The following SDK1 variants were observed in gnomAD, a reference collection of about 807,000 sequenced individuals.
The protein encoded by SDK1 is protein sidekick-1.
A neutral mutation model predicts 245.5 loss-of-function variants in SDK1; 157 were observed. The observed-to-expected ratio is 0.64, with a 90% confidence interval of 0.56 to 0.73. SDK1 has a LOEUF of 0.73. SDK1 is among the 30% of genes least tolerant of loss of function. The pLI, the probability that SDK1 is intolerant of heterozygous loss-of-function variation, is 0.00. For missense variants in SDK1, 3,583 were observed against 3,002.3 expected (o/e 1.19, Z -4.52); for synonymous variants, 1,647 against 1,278.5 (o/e 1.29, Z -6.15).
At chr7:3,733,867 G>A (rs1243918532) in intron 4 of SDK1, among the ~76,000 whole-genome samples, 1 of 152,058 alleles carries the variant, frequency 6.6e-6, no homozygotes, top group Admixed American at 6.6e-5. Context: ...GAACAGAATC[G>A]CACATAAGAA....
At chr7:3,979,879 A>G (rs1783261199) in intron 13 of SDK1, among the ~76,000 whole-genome samples, 1 of 152,176 alleles carries the variant, frequency 6.6e-6, no homozygotes, top group South Asian at 2.1e-4. Flanking sequence ...TTAGCATTTC[A>G]TCTCTCCTCC....
chr7:3,653,093 C>T (rs1303209471), intron 4 of SDK1, among the ~76,000 whole-genome samples: 9 of 152,178 alleles, frequency 5.9e-5, no homozygotes, highest in Non-Finnish European at 2.9e-5. Flanking sequence ...TGAGAAAAGT[C>T]GCAGGCTTAA....
At chr7:4,203,535 A>T (rs201430981) in intron 35 of SDK1, among the ~76,000 whole-genome samples, 10,119 of 89,550 alleles carry the variant, frequency 0.11, 384 homozygotes, top group African/African-American at 0.2. Flanking sequence ...TTTTTTTTTA[A>T]AAAAAAAAAG....
intron 7 of SDK1, among the ~76,000 whole-genome samples, chr7:3,954,643 C>T (rs1583625290): frequency 7.3e-6 from 1 of 137,192 alleles, no homozygotes; most frequent in Non-Finnish European, 1.6e-5. Flanking sequence ...CTCCCCTCTA[C>T]ACCCTCCGCT....
At chr7:3,827,137 C>G (rs925422086) in intron 5 of SDK1, among the ~76,000 whole-genome samples, 2 of 151,962 alleles carry the variant, frequency 1.3e-5, no homozygotes, top group African/African-American at 4.8e-5. Flanking sequence ...TTAGGTTAAG[C>G]TATGATCATT....
At chr7:3,461,965 T>G (rs1780843978) in intron 1 of SDK1, among the ~76,000 whole-genome samples, 1 of 152,160 alleles carries the variant, frequency 6.6e-6, no homozygotes, top group Non-Finnish European at 1.5e-5. Flanking sequence ...TGTTCAAGAC[T>G]CTTCTGTATT....
intron 4 of SDK1, among the ~76,000 whole-genome samples, chr7:3,693,968 A>G (rs1403611336): frequency 6.6e-6 from 1 of 151,430 alleles, no homozygotes; most frequent in Non-Finnish European, 1.5e-5. Context: ...TTGCTCCCTC[A>G]CTCGTCCCAC....
rs1228496861 is a variant in SDK1 at position 3,748,204 on chromosome 7, GA to G, written c.714-73241del. On this transcript the variant is annotated intron_variant, in intron 4 of 44. Coordinates refer to ENST00000404826, the MANE Select transcript of SDK1 (RefSeq NM_152744.4). Reference sequence around the variant, plus strand: ...TTGGTTTAATCCTAATTTTGAAAAGGAAAAATGATGTATCTAACATACACTG... The same window carrying G: ...TTGGTTTAATCCTAATTTTGAAAAGGAAAATGATGTATCTAACATACACTG... Among the ~76,000 whole-genome samples the G allele has an allele frequency of 2.0e-5, 3 of 152,166 alleles. No homozygotes were observed. In the East Asian group the frequency reaches 5.8e-4, roughly 29 times the overall value.
intron 1 of SDK1, among the ~76,000 whole-genome samples, chr7:3,608,799 A>G (rs746153094): frequency 6.6e-5 from 10 of 152,264 alleles, no homozygotes; most frequent in Admixed American, 2.0e-4. Context: ...CCGCGTTGCA[A>G]CTAACCTTTA....
chr7:3,701,974 C>T (rs1256946016), intron 4 of SDK1, among the ~76,000 whole-genome samples: 3 of 143,142 alleles, frequency 2.1e-5, no homozygotes, highest in African/African-American at 7.6e-5. Context: ...TCTTGACCTA[C>T]ACCCTAATCT....
intron 4 of SDK1, among the ~76,000 whole-genome samples, chr7:3,723,872 A>G (rs1778913625): frequency 7.6e-6 from 1 of 132,246 alleles, no homozygotes; most frequent in African/African-American, 3.2e-5. Flanking sequence ...ACGTGTATAT[A>G]CACGTACATA....
intron 4 of SDK1, among the ~76,000 whole-genome samples, chr7:3,694,789 G>A (rs17256676): frequency 0.21 from 31,999 of 152,000 alleles, 4,050 homozygotes; most frequent in Non-Finnish European, 0.29. Context: ...AATTCCTATC[G>A]TAAGTTTGTG....
intron 19 of SDK1, among the ~76,000 whole-genome samples, chr7:4,052,364 A>G (rs751778311): frequency 8.3e-4 from 127 of 152,262 alleles, no homozygotes; most frequent in Non-Finnish European, 1.5e-3. Context: ...GAAAATAGTC[A>G]CAGATGCACA....
chr7:3,640,407 A>T (rs1297494751), intron 3 of SDK1, among the ~76,000 whole-genome samples: 2 of 152,174 alleles, frequency 1.3e-5, no homozygotes, highest in Non-Finnish European at 2.9e-5. Flanking sequence ...CCATAAGCCT[A>T]ATGACTGAGT....
chr7:3,654,622 G>C (rs1783106274), intron 4 of SDK1, among the ~76,000 whole-genome samples: 1 of 152,110 alleles, frequency 6.6e-6, no homozygotes, highest in African/African-American at 2.4e-5. Flanking sequence ...ATGCTTGTTG[G>C]GCACCTGTCT....
rs1356676076 is a variant in SDK1 at position 3,718,561 on chromosome 7, A to C, written c.713+76456A>C. 3.3e-4 allele frequency among the ~76,000 whole-genome samples: 47 copies of C among 144,252 alleles called. 1 individual carries two copies. The highest frequency in any genetic ancestry group is 1.2e-3 in the African/African-American group (44 of 36,116). The allele number at this position is 144,252 out of a possible 152,430, so 94.6% of individuals were successfully genotyped here. On this transcript the variant is annotated intron_variant, in intron 4 of 44. Transcript: ENST00000404826. ...TAAATAAATAAATAAATAAATAAAT[A>C]AATAAATAAATAAATAAATAAATAA...
At chr7:3,426,214 C>T (rs1025732496) in intron 1 of SDK1, among the ~76,000 whole-genome samples, 11 of 152,104 alleles carry the variant, frequency 7.2e-5, no homozygotes, top group African/African-American at 2.7e-4. Context: ...TCCTGTAGTG[C>T]AGTCGTGTAG....
chr7:3,841,297 T>C (rs1020869451), intron 5 of SDK1, among the ~76,000 whole-genome samples: 2 of 152,250 alleles, frequency 1.3e-5, no homozygotes, highest in South Asian at 2.1e-4. Context: ...CTGTTTGCAT[T>C]GTTTGATCCA....
chr7:3,399,773 A>G (rs571521045), intron 1 of SDK1, among the ~76,000 whole-genome samples: 1 of 152,180 alleles, frequency 6.6e-6, no homozygotes, highest in South Asian at 2.1e-4. Context: ...TGTGTTGTGT[A>G]TGGCTCTTTC....
Sources: gnomAD v4.1 joint callset for allele counts (sites outside exome capture counted in the v4.1 genomes callset) on GRCh38, gnomAD v4.1.1 for gene constraint, MANE v1.5 for transcripts, NCBI Gene and HGNC (gene_info 2026-07-23, HGNC 2026-07-21) for gene names.